The following RFC1 variants were observed in gnomAD, a reference collection of about 807,000 sequenced individuals.
The protein encoded by RFC1 is A1 140 kDa subunit.
In RFC1, 37 loss-of-function variants were observed where a neutral mutation model predicts 137.4. The observed-to-expected ratio is 0.27, with a 90% CI of 0.21 to 0.35. RFC1 has a LOEUF of 0.35. Among genes scored for constraint, RFC1 ranks in the 10% least tolerant of loss-of-function variants. The probability of loss-of-function intolerance (pLI) is 1.00; values close to 1 mark genes in which losing one functional copy is unlikely to be tolerated. For missense variants in RFC1, 1,205 were observed against 1,358.5 expected (o/e 0.89, Z 1.78); for synonymous variants, 429 against 455.7 (o/e 0.94, Z 0.75).
In RFC1 at chr4:39,288,178, G is replaced by A. The variant is rs1352889535; in HGVS notation, c.*583C>T. ...TAATATACCAACATAATATTTTGCT[G>A]TACAAGATGACAATCTTAAAAAGAA... On this transcript the variant is annotated 3_prime_UTR_variant, in exon 25 of 25. Transcript: ENST00000349703. 1 of 152,150 alleles carries A rather than the reference G, an allele frequency of 6.6e-6. No individual in the cohort carries two copies. The highest frequency in any genetic ancestry group is 1.9e-4 in the East Asian group (1 of 5,198). The allele number at this position is 152,150 out of a possible 1,614,324, so 9.4% of individuals were successfully genotyped here. A position where few individuals can be genotyped will look rare whatever the true frequency, so the allele number is the denominator to read the frequency against.
At chr4:39,342,684 A>G (rs913589965) in intron 3 of RFC1, among the ~76,000 whole-genome samples, 1 of 152,224 alleles carries the variant, frequency 6.6e-6, no homozygotes, top group African/African-American at 2.4e-5. Context: ...GCTTAAAACA[A>G]CTAAGCCACT....
intron 6 of RFC1, 72 bp downstream of exon 6, chr4:39,326,491 T>G: frequency 7.9e-7 from 1 of 1,267,326 alleles, no homozygotes; most frequent in Non-Finnish European, 1.1e-6. Context: ...GAGGTTCAAT[T>G]CAAAACCTGG....
At chr4:39,357,879 T>C (rs1464652749) in intron 1 of RFC1, among the ~76,000 whole-genome samples, 1 of 151,926 alleles carries the variant, frequency 6.6e-6, no homozygotes. Context: ...AGTGCCAGGA[T>C]TACAGGCATG....
intron 22 of RFC1, 22 bp from the exon 23 acceptor site, chr4:39,291,874 C>T (rs1737697964): frequency 6.4e-7 from 1 of 1,561,544 alleles, no homozygotes; most frequent in African/African-American, 1.4e-5. Flanking sequence ...ACAAAAGAGA[C>T]ATAGTCAACA....
In RFC1 at chr4:39,329,236, A is replaced by G. The variant is rs1156462770; in HGVS notation, c.332-1480T>C. 3.3e-5 allele frequency among the ~76,000 whole-genome samples: 5 copies of G among 150,894 alleles called. No individual in the cohort carries two copies. In the Admixed American group the frequency reaches 3.3e-4, roughly 10 times the overall value. ...CAAACATGAGGCCGGGCACGGTAGC[A>G]CACACCTGTCATCCCAGTACTTTGG... On this transcript the variant is annotated intron_variant, in intron 4 of 24. Transcript: ENST00000349703.
intron 21 of RFC1, among the ~76,000 whole-genome samples, chr4:39,299,085 G>A (rs894909861): frequency 6.6e-6 from 1 of 152,194 alleles, no homozygotes; most frequent in African/African-American, 2.4e-5. Context: ...GCAGAAAACC[G>A]CTTAAAGGCA....
intron 15 of RFC1, 23 bp downstream of exon 15, chr4:39,304,791 C>A: frequency 7.8e-7 from 1 of 1,286,348 alleles, no homozygotes; most frequent in Non-Finnish European, 1.1e-6. Context: ...ATAACAACAA[C>A]AGGAGGTCAA....
At chr4:39,345,801 T>C (rs1051995699) in intron 2 of RFC1, among the ~76,000 whole-genome samples, 2 of 152,190 alleles carry the variant, frequency 1.3e-5, no homozygotes, top group African/African-American at 4.8e-5. Context: ...CATTTGTCAA[T>C]GTCTAGAAAC....
rs549479538 is a variant in RFC1 at position 39,331,621 on chromosome 4, A to G, written c.332-3865T>C. ...TATTAATATGTATACTCAACCATGT[A>G]ACAAAATCTCTACAGCAATAAAAAT... is the stretch of plus-strand genomic sequence containing the variant. On this transcript the variant is annotated intron_variant, in intron 4 of 24. Transcript: ENST00000349703. Among the ~76,000 whole-genome samples the G allele has an allele frequency of 1.8e-4, 28 of 152,360 alleles. No homozygotes were observed. The South Asian group carries it at 5.8e-3, about 32-fold the overall frequency.
intron 7 of RFC1, 89 bp downstream of exon 7, chr4:39,323,251 T>G (rs1174347320): frequency 7.2e-6 from 6 of 838,614 alleles, no homozygotes; most frequent in Non-Finnish European, 1.1e-5. Flanking sequence ...GAAAAGTTAT[T>G]CATGTTTTGG....
At chr4:39,312,696 G>A (rs1739016045) in intron 11 of RFC1, 56 bp downstream of exon 11, 1 of 1,491,828 alleles carries the variant, frequency 6.7e-7, no homozygotes. Context: ...ATCACATCAA[G>A]AGTGTGCCAA....
At chr4:39,351,253 G>GAAAAAAAA in intron 2 of RFC1, 95 bp downstream of exon 2, 1 of 312,674 alleles carries the variant, frequency 3.2e-6, no homozygotes, top group Non-Finnish European at 4.5e-6. Flanking sequence ...TCTGTCTCAG[G>GAAAAAAAA]AAAAAAAAAA....
chr4:39,306,921 A>C (rs191092451), intron 13 of RFC1, among the ~76,000 whole-genome samples: 56 of 152,316 alleles, frequency 3.7e-4, no homozygotes, highest in Non-Finnish European at 7.4e-4. Flanking sequence ...AACTAAAACT[A>C]ACTCACTTAA....
At chr4:39,309,100 C>A in intron 12 of RFC1, 68 bp from the exon 13 acceptor site, 1 of 1,490,466 alleles carries the variant, frequency 6.7e-7, no homozygotes, top group South Asian at 1.4e-5. Flanking sequence ...TCCTGCTAAA[C>A]GTACTACAGA....
intron 4 of RFC1, among the ~76,000 whole-genome samples, chr4:39,336,270 C>T (rs770521308): frequency 6.6e-6 from 1 of 152,082 alleles, no homozygotes; most frequent in Non-Finnish European, 1.5e-5. Flanking sequence ...AAAATAGAAG[C>T]CCCTGAAGAT....
Position 39,327,629 on chromosome 4 carries a change from C to T in RFC1, c.459G>A (p.Lys153=), listed in dbSNP as rs1199666718. The T allele has an allele frequency of 1.2e-6, 2 of 1,613,644 alleles. No individual in the cohort carries two copies. Among genetic ancestry groups the T allele is most frequent in the South Asian group, 2.2e-5 (2 of 91,072 alleles). ...GTGTAAGTTTTATTGGTGATAAAGG[C>T]TTATTCTTGGTCTTAGTGTTTTCTT... ...KNEENTKTKN[K]PLSPIKLTPT... is the part of the protein sequence containing the mutation. Residue 153 remains lysine, a synonymous_variant, in exon 5 of 25, where the codon AAG becomes AAA. Coordinates refer to ENST00000349703, the MANE Select transcript of RFC1 (RefSeq NM_002913.5).
chr4:39,345,997 G>GA (rs1302245431), intron 2 of RFC1, among the ~76,000 whole-genome samples: 1 of 151,906 alleles, frequency 6.6e-6, no homozygotes, highest in African/African-American at 2.4e-5. Flanking sequence ...ACCACAATGG[G>GA]AAAAAAATAA....
At chr4:39,359,666 C>CA (rs1422518173) in intron 1 of RFC1, among the ~76,000 whole-genome samples, 1 of 151,750 alleles carries the variant, frequency 6.6e-6, no homozygotes, top group Non-Finnish European at 1.5e-5. Context: ...ACTAAAAATA[C>CA]AAAAAATTAG....
At chr4:39,358,464 A>G (rs1741591056) in intron 1 of RFC1, among the ~76,000 whole-genome samples, 2 of 152,230 alleles carry the variant, frequency 1.3e-5, no homozygotes, top group Non-Finnish European at 2.9e-5. Context: ...GTGGAAATAT[A>G]AAGTTCACTT....
Sources: allele counts gnomAD v4.1 joint callset (sites outside exome capture counted in the v4.1 genomes callset), GRCh38; gene constraint gnomAD v4.1.1; transcripts MANE v1.5; gene names NCBI Gene and HGNC (gene_info 2026-07-23, HGNC 2026-07-21).